Variants in KCNMA1 observed in about 807,000 individuals in gnomAD.
The protein encoded by KCNMA1 is potassium calcium-activated channel subfamily M alpha 1, also known as Calcium-activated potassium channel subunit alpha-1.
A neutral mutation model predicts 140.0 loss-of-function variants in KCNMA1; 29 were observed. The ratio of observed to expected loss-of-function variants is 0.21; its 90% CI spans 0.15 to 0.28. The LOEUF (loss-of-function observed/expected upper bound fraction) is 0.28. Among genes scored for constraint, KCNMA1 ranks in the 10% least tolerant of loss-of-function variants. The probability of loss-of-function intolerance (pLI) is 1.00; values close to 1 mark genes in which losing one functional copy is unlikely to be tolerated. For missense variants in KCNMA1, 880 were observed against 1,602.2 expected (o/e 0.55, Z 7.70); for synonymous variants, 612 against 611.9 (o/e 1.00, Z 0.00).
At chr10:77,023,140 T>C (rs2093046465) in intron 16 of KCNMA1, among the ~76,000 whole-genome samples, 1 of 152,316 alleles carries the variant, frequency 6.6e-6, no homozygotes, top group African/African-American at 2.4e-5. Context: ...CGCTAAACAC[T>C]GGTCAGGTTG....
In KCNMA1 at chr10:77,397,694, G is replaced by C. The variant is rs183670286; in HGVS notation, c.540+6168C>G. 1.0e-3 allele frequency among the ~76,000 whole-genome samples: 159 copies of C among 152,232 alleles called. 2 individuals are homozygous for C. Among genetic ancestry groups the C allele is most frequent in the Admixed American group, 1.9e-3 (29 of 15,292 alleles). ...TATTTTGCACAGTGGTGAAGTCTGG[G>C]CTTTTAGTGTAACCGTCATCCAAAT... On this transcript the variant is annotated intron_variant, in intron 2 of 27. Transcript: ENST00000286628.
chr10:77,252,186 CA>C (rs2059789118), intron 2 of KCNMA1, among the ~76,000 whole-genome samples: 1 of 152,192 alleles, frequency 6.6e-6, no homozygotes, highest in Non-Finnish European at 1.5e-5. Context: ...GAATATGTAG[CA>C]GATTAGGCTG....
chr10:77,120,550 C>T (rs556067609), intron 6 of KCNMA1, among the ~76,000 whole-genome samples: 3 of 152,252 alleles, frequency 2.0e-5, no homozygotes, highest in Non-Finnish European at 4.4e-5. Context: ...ATTGCCTTTA[C>T]GACTGGGTTC....
At chr10:77,436,916 T>G (rs1227486586) in intron 1 of KCNMA1, among the ~76,000 whole-genome samples, 1 of 151,202 alleles carries the variant, frequency 6.6e-6, no homozygotes, top group East Asian at 1.9e-4. Context: ...AGGGAGGGGA[T>G]TCTTGGTGCC....
intron 2 of KCNMA1, among the ~76,000 whole-genome samples, chr10:77,348,196 G>A (rs2092432852): frequency 6.6e-6 from 1 of 152,172 alleles, no homozygotes; most frequent in African/African-American, 2.4e-5. Context: ...CATCAAGAGG[G>A]AGATAGAGTA....
intron 2 of KCNMA1, among the ~76,000 whole-genome samples, chr10:77,259,744 C>T (rs748063353): frequency 1.2e-4 from 18 of 152,220 alleles, no homozygotes; most frequent in Non-Finnish European, 2.1e-4. Context: ...GCTGTCACTT[C>T]CCTGCCCACA....
intron 2 of KCNMA1, among the ~76,000 whole-genome samples, chr10:77,362,361 C>A (rs954932809): frequency 2.4e-5 from 2 of 84,690 alleles, no homozygotes; most frequent in African/African-American, 9.9e-5. Context: ...CCACCCCCCC[C>A]ACCCCACACA....
chr10:76,970,625 T>C (rs2075809909), intron 19 of KCNMA1: 3 of 170,598 alleles, frequency 1.8e-5, no homozygotes, highest in Admixed American at 1.1e-4. Context: ...TCGGGGCACA[T>C]TGGTGCATGC....
chr10:77,007,175 T>C (rs2089079925), intron 18 of KCNMA1, among the ~76,000 whole-genome samples: 1 of 152,190 alleles, frequency 6.6e-6, no homozygotes, highest in South Asian at 2.1e-4. Flanking sequence ...TCTTGTTGAG[T>C]AAAAGGGCAT....
intron 2 of KCNMA1, among the ~76,000 whole-genome samples, chr10:77,289,640 G>A (rs2072445272): frequency 6.6e-6 from 1 of 152,182 alleles, no homozygotes. Flanking sequence ...TACTTCACAA[G>A]TGCCTGGTCC....
chr10:77,125,389 G>A (rs1295794582), intron 5 of KCNMA1, among the ~76,000 whole-genome samples: 1 of 152,224 alleles, frequency 6.6e-6, no homozygotes, highest in African/African-American at 2.4e-5. Flanking sequence ...GATGTCTTCA[G>A]TGACACTTGA....
chr10:77,166,788 A>C (rs1367853337), intron 5 of KCNMA1, among the ~76,000 whole-genome samples: 1 of 152,206 alleles, frequency 6.6e-6, no homozygotes, highest in Non-Finnish European at 1.5e-5. Flanking sequence ...AGCTGTCAAT[A>C]CAGCAAGACC....
At chr10:77,414,251 G>A (rs1362492632) in intron 1 of KCNMA1, among the ~76,000 whole-genome samples, 1 of 152,112 alleles carries the variant, frequency 6.6e-6, no homozygotes, top group Non-Finnish European at 1.5e-5. Flanking sequence ...CTGTAACCCT[G>A]GGCAAGTCAA....
At chr10:77,483,494 C>T (rs574098171) in intron 1 of KCNMA1, among the ~76,000 whole-genome samples, 2 of 152,266 alleles carry the variant, frequency 1.3e-5, no homozygotes, top group African/African-American at 2.4e-5. Context: ...TGGGGCCTGT[C>T]GCCTCCTGGG....
At chr10:77,307,773 T>A (rs181349278) in intron 2 of KCNMA1, among the ~76,000 whole-genome samples, 1,794 of 152,174 alleles carry the variant, frequency 0.012, 14 homozygotes, top group South Asian at 0.037. Context: ...ATGGTCTCGA[T>A]CTCCTGACCT....
chr10:77,276,755 G>A (rs962270226), intron 2 of KCNMA1, among the ~76,000 whole-genome samples: 3 of 152,006 alleles, frequency 2.0e-5, no homozygotes, highest in Non-Finnish European at 4.4e-5. Context: ...ATTTATAATA[G>A]CCAAACACAC....
chr10:77,516,115 G>T (rs1454735677), intron 1 of KCNMA1, among the ~76,000 whole-genome samples: 2 of 152,036 alleles, frequency 1.3e-5, no homozygotes, highest in African/African-American at 4.8e-5. Context: ...CATATCCAGG[G>T]GCTTCAGAGG....
chr10:77,347,602 G>A lies in KCNMA1; in HGVS notation c.540+56260C>T, dbSNP rs1004923141. 3.9e-5 allele frequency among the ~76,000 whole-genome samples: 6 copies of A among 152,224 alleles called. No individual in the cohort carries two copies. The South Asian group carries it at 6.2e-4, about 16-fold the overall frequency. On this transcript the variant is annotated intron_variant, in intron 2 of 27. Coordinates refer to ENST00000286628, the MANE Select transcript of KCNMA1 (RefSeq NM_001161352.2). ...GTGACCAGGGGCCTCTTTACCGCTC[G>A]GGTGTGCTTCACCTCCTTCCTCCAT... is the stretch of plus-strand genomic sequence containing the variant.
At chr10:77,127,059 AACACACACACAAACACAC>A (rs748106584) in intron 5 of KCNMA1, among the ~76,000 whole-genome samples, 2 of 133,314 alleles carry the variant, frequency 1.5e-5, no homozygotes, top group Admixed American at 7.8e-5. Context: ...AAAGCCCAGA[AACACACACACAAACACAC>A]ACACACACAC....
Sources: gnomAD v4.1 joint callset for allele counts (sites outside exome capture counted in the v4.1 genomes callset) on GRCh38, gnomAD v4.1.1 for gene constraint, MANE v1.5 for transcripts, NCBI Gene and HGNC (gene_info 2026-07-23, HGNC 2026-07-21) for gene names.